The following LAMC2 variants were observed in gnomAD, a reference collection of about 807,000 sequenced individuals.
LAMC2 encodes laminin subunit gamma-2.
In LAMC2, 97 loss-of-function variants were observed where a neutral mutation model predicts 140.2. That is an observed-to-expected ratio of 0.69 (90% CI 0.59 to 0.82). The LOEUF is 0.82. LAMC2 is among the 40% of genes least tolerant of loss of function. LAMC2 has a pLI of 0.00. For synonymous variants in LAMC2, 513 were observed against 540.2 expected (o/e 0.95, Z 0.70); for missense variants, 1,402 against 1,476.1 (o/e 0.95, Z 0.82).
intron 2 of LAMC2, among the ~76,000 whole-genome samples, chr1:183,209,445 AC>A (rs962463191): frequency 1.3e-5 from 2 of 151,008 alleles, no homozygotes; most frequent in African/African-American, 4.9e-5. Context: ...CGCAGCAGTC[AC>A]CCCCCAAATT....
chr1:183,232,304 G>T lies in LAMC2; in HGVS notation c.1975G>T (p.Ala659Ser). 1 of 1,614,064 alleles carries T rather than the reference G, an allele frequency of 6.2e-7. No individual in the cohort carries two copies. Among genetic ancestry groups the T allele is most frequent in the East Asian group, 2.2e-5 (1 of 44,878 alleles). Residue 659 changes from alanine to serine, a missense_variant, in exon 13 of 23, where the codon GCC (alanine) becomes TCC (serine). Physicochemically the swap from Ala to Ser is moderately conservative, Grantham distance 99. Transcript: ENST00000264144. ...AGGCAGGATGCAGCAGGCTGAGCAG[G>T]CCCTTCAGGACATTCTGAGAGATGC... ...LEGRMQQAEQ[A>S]LQDILRDAQI... is the part of the protein sequence containing the mutation.
At position 183,220,942 on chromosome 1, in the gene LAMC2, C is replaced by T. The variant is rs779487858; in HGVS notation, c.621C>T (p.Ile207=). Residue 207 remains isoleucine, a synonymous_variant, in exon 5 of 23, where the codon ATC becomes ATT. Coordinates refer to ENST00000264144, the MANE Select transcript of LAMC2 (RefSeq NM_005562.3). ...RSSAEYSVHK[I]TSTFHQDVDG... ...CTGCAGAATACAGTGTCCATAAGAT[C>T]ACCTCTACCTTTCATCAAGGTAAAG... 6.2e-7 allele frequency: 1 copy of T among 1,614,168 alleles called. No homozygotes were observed. Among genetic ancestry groups the T allele is most frequent in the Non-Finnish European group, 8.5e-7 (1 of 1,179,998 alleles).
chr1:183,255,995 T>C, the LAMC2 span, among the ~76,000 whole-genome samples: 3 of 152,108 alleles, frequency 2.0e-5, no homozygotes, highest in Non-Finnish European at 2.9e-5. Context: ...CTTTCAGTAC[T>C]TTGCTGAATG....
chr1:183,235,806 G>A, intron 16 of LAMC2, 76 bp downstream of exon 16: 1 of 1,465,926 alleles, frequency 6.8e-7, no homozygotes, highest in Non-Finnish European at 9.5e-7. Flanking sequence ...CGTACTTGAG[G>A]GGCACCATGC....
chr1:183,216,296 G>A (rs953747383), intron 3 of LAMC2, among the ~76,000 whole-genome samples: 3 of 152,104 alleles, frequency 2.0e-5, no homozygotes, highest in Non-Finnish European at 4.4e-5. Flanking sequence ...CATTTGTTCT[G>A]GTCCGGCCTT....
chr1:183,236,200 G>A (rs903713673), intron 16 of LAMC2, among the ~76,000 whole-genome samples: 14 of 151,752 alleles, frequency 9.2e-5, no homozygotes, highest in African/African-American at 3.1e-4. Flanking sequence ...ATACTTTCAA[G>A]ACAACAGGGT....
chr1:183,195,553 A>G (rs888149775), intron 1 of LAMC2, among the ~76,000 whole-genome samples: 3 of 152,242 alleles, frequency 2.0e-5, no homozygotes, highest in South Asian at 2.1e-4. Flanking sequence ...TTAAATGTCA[A>G]CTGGTGCCGT....
intron 1 of LAMC2, among the ~76,000 whole-genome samples, chr1:183,197,674 T>C (rs1658563997): frequency 9.2e-6 from 1 of 109,028 alleles, no homozygotes; most frequent in African/African-American, 3.8e-5. Context: ...AGACTCCGTC[T>C]CAAAAAAAAA....
chr1:183,215,349 C>T (rs775574015), intron 2 of LAMC2, 104 bp from the exon 3 acceptor site: 25 of 1,303,740 alleles, frequency 1.9e-5, no homozygotes, highest in Non-Finnish European at 2.7e-5. Flanking sequence ...GTGCTTCTTA[C>T]TTCGTGTTTA....
At position 183,243,260 on chromosome 1, in the gene LAMC2, A is replaced by G. The variant is rs375165035; in HGVS notation, c.3442A>G (p.Arg1148Gly). 3.5e-5 allele frequency: 56 copies of G among 1,614,162 alleles called. No homozygotes were observed. In the South Asian group the frequency reaches 5.5e-4, roughly 16 times the overall value. Residue 1148 changes from arginine (R) to glycine (G), a missense_variant, in exon 23 of 23, where the codon AGG becomes GGG. By Grantham distance (125) the Arg-to-Gly change is moderately radical (BLOSUM62 -2). Around this residue, in one of 3 missense-constraint regions of LAMC2, gnomAD observed 670 missense variants for 667.2 expected, o/e 1.00. Transcript: ENST00000264144. Reference sequence around the variant, plus strand: ...GCCCATGATGTCAGAGCTGGAAGAGAGGGCACGTCAGCAGAGGGGCCACCT... The same window carrying G: ...GCCCATGATGTCAGAGCTGGAAGAGGGGGCACGTCAGCAGAGGGGCCACCT... ...LRPMMSELEERARQQRGHLHL... is the reference protein window; with the variant it reads ...LRPMMSELEEGARQQRGHLHL...
the LAMC2 span, chr1:183,252,354 A>G: frequency 4.9e-6 from 2 of 409,238 alleles, no homozygotes; most frequent in South Asian, 5.0e-5. Context: ...TCTCTAGAGC[A>G]TGCTGGGAGA....
At chr1:183,239,821 G>T (rs1660075519) in intron 20 of LAMC2, 3 of 656,756 alleles carry the variant, frequency 4.6e-6, no homozygotes, top group Non-Finnish European at 8.0e-6. Flanking sequence ...GAGAAGCACT[G>T]TCTGGCCGCT....
In LAMC2 at chr1:183,239,875, G is replaced by A. The variant is rs1660077357; in HGVS notation, c.3070-165G>A. Reference sequence around the variant, plus strand: ...CCCAGATTAGCTTGTTTGAGGCAGAGCTTGGCAAAGTACCCCTGTCCCTAA... The same window carrying A: ...CCCAGATTAGCTTGTTTGAGGCAGAACTTGGCAAAGTACCCCTGTCCCTAA... On this transcript the variant is annotated intron_variant, in intron 20 of 22. Coordinates refer to ENST00000264144, the MANE Select transcript of LAMC2 (RefSeq NM_005562.3). 4 of 815,356 alleles carry A rather than the reference G, an allele frequency of 4.9e-6. No individual in the cohort carries two copies. In the South Asian group the frequency reaches 6.0e-5, roughly 12 times the overall value. 50.5% of individuals were successfully genotyped at this position (815,356 alleles called of 1,614,324 possible). A position where few individuals can be genotyped will look rare whatever the true frequency, so the allele number is the denominator to read the frequency against.
chr1:183,251,464 G>A, the LAMC2 span: 2 of 152,278 alleles, frequency 1.3e-5, no homozygotes, highest in Admixed American at 1.3e-4. Context: ...ATTCCAATTA[G>A]CAAAGACCTC....
intron 1 of LAMC2, among the ~76,000 whole-genome samples, chr1:183,196,834 A>G (rs12025707): frequency 0.088 from 13,434 of 152,270 alleles, 729 homozygotes; most frequent in East Asian, 0.2. Context: ...GTTTTCTTTT[A>G]TAAAGCAAGA....
At position 183,243,490 on chromosome 1, in the gene LAMC2, A is replaced by G; in HGVS notation, c.*90A>G. The stretch of plus-strand genomic sequence containing the variant: ...TCATGTGAGTGGGTGGGATGGGGAC[A>G]TTTGAACATGTTTAATGGGTATGCT... On this transcript the variant is annotated 3_prime_UTR_variant, in exon 23 of 23. Transcript: ENST00000264144. 6.6e-7 allele frequency: 1 copy of G among 1,518,696 alleles called. No homozygotes were observed. Among genetic ancestry groups the G allele is most frequent in the Non-Finnish European group, 9.1e-7 (1 of 1,095,354 alleles). 94.1% of individuals were successfully genotyped at this position (1,518,696 alleles called of 1,614,324 possible). A position where few individuals can be genotyped will look rare whatever the true frequency, so the allele number is the denominator to read the frequency against.
intron 20 of LAMC2, chr1:183,239,786 A>G: frequency 1.6e-6 from 1 of 634,494 alleles, no homozygotes; most frequent in African/African-American, 1.8e-5. Context: ...ACTCTGTTCA[A>G]CATTTGGTGA....
intron 16 of LAMC2, 145 bp downstream of exon 16, chr1:183,235,875 C>A: frequency 1.3e-6 from 1 of 792,886 alleles, no homozygotes; most frequent in African/African-American, 1.7e-5. Context: ...GGGAGTTTTA[C>A]TTTGGGGAAA....
intron 20 of LAMC2, 115 bp from the exon 21 acceptor site, chr1:183,239,925 A>C (rs1488638581): frequency 8.8e-6 from 10 of 1,131,662 alleles, no homozygotes; most frequent in Non-Finnish European, 1.3e-5. Context: ...TTATTCATCT[A>C]ATTTACTCCA....
Sources: gnomAD v4.1 joint callset for allele counts (sites outside exome capture counted in the v4.1 genomes callset) on GRCh38, gnomAD v4.1.1 for gene constraint, gnomAD v4.1.1 regional missense constraint, MANE v1.5 for transcripts, NCBI Gene and HGNC (gene_info 2026-07-23, HGNC 2026-07-21) for gene names.